LHFPL2: variants seen among roughly 807,000 people sequenced by gnomAD.
LHFPL2 encodes the protein LHFPL tetraspan subfamily member 2 protein.
Under a neutral mutation model 17.5 loss-of-function variants are expected in LHFPL2, and 7 were observed. The observed-to-expected ratio is 0.40, with a 90% CI of 0.23 to 0.75. The LOEUF (loss-of-function observed/expected upper bound fraction) is 0.75. Among genes scored for constraint, LHFPL2 ranks in the 30% least tolerant of loss-of-function variants. The probability of loss-of-function intolerance (pLI) is 0.37; values close to 1 mark genes in which losing one functional copy is unlikely to be tolerated. For missense variants in LHFPL2, 241 were observed against 294.8 expected (o/e 0.82, Z 1.34); for synonymous variants, 134 against 116.2 (o/e 1.15, Z -0.99).
intron 3 of LHFPL2, among the ~76,000 whole-genome samples, chr5:78,538,869 T>C (rs574331038): frequency 6.6e-6 from 1 of 152,194 alleles, no homozygotes; most frequent in South Asian, 2.1e-4. Flanking sequence ...TCCTTTGTAC[T>C]GTCCAGTGAC....
In LHFPL2 at chr5:78,487,292, T is replaced by TA. The variant is rs1754280914; in HGVS notation, c.*1604dup. On this transcript the variant is annotated 3_prime_UTR_variant, in exon 5 of 5. Coordinates refer to ENST00000380345, the MANE Select transcript of LHFPL2 (RefSeq NM_005779.3). Reference sequence around the variant, plus strand: ...TATAATTATCTGTTCTGCACCAAGATACGGTGCTTTAGACTCAGACAGCTT... The same window carrying TA: ...TATAATTATCTGTTCTGCACCAAGATAACGGTGCTTTAGACTCAGACAGCTT... The TA allele has an allele frequency of 6.6e-6, 1 of 152,216 alleles. No homozygotes were observed. The allele number at this position is 152,216 out of a possible 1,614,324, so 9.4% of individuals were successfully genotyped here. A position where few individuals can be genotyped will look rare whatever the true frequency, so the allele number is the denominator to read the frequency against.
chr5:78,630,888 G>C (rs1745218871), intron 2 of LHFPL2, among the ~76,000 whole-genome samples: 1 of 152,110 alleles, frequency 6.6e-6, no homozygotes, highest in South Asian at 2.1e-4. Flanking sequence ...GCCACCCCAG[G>C]CATCAGAGAA....
chr5:78,623,235 A>G (rs1003025708), intron 2 of LHFPL2, among the ~76,000 whole-genome samples: 2 of 152,230 alleles, frequency 1.3e-5, no homozygotes, highest in African/African-American at 4.8e-5. Context: ...AAAACCACGA[A>G]TATGAACCAA....
chr5:78,506,337 G>A (rs1292661198), intron 4 of LHFPL2, among the ~76,000 whole-genome samples: 1 of 152,192 alleles, frequency 6.6e-6, no homozygotes, highest in African/African-American at 2.4e-5. Context: ...TTGCCAAAAT[G>A]TAAGTTGTAA....
At chr5:78,576,615 C>A (rs1208020761) in intron 2 of LHFPL2, among the ~76,000 whole-genome samples, 1 of 152,200 alleles carries the variant, frequency 6.6e-6, no homozygotes, top group Non-Finnish European at 1.5e-5. Flanking sequence ...CCCAGGGACA[C>A]TGGAAATTCA....
At chr5:78,518,978 T>C (rs7713690) in intron 3 of LHFPL2, among the ~76,000 whole-genome samples, 63,046 of 151,868 alleles carry the variant, frequency 0.42, 13,536 homozygotes, top group African/African-American at 0.51. Context: ...CTATAAGAGA[T>C]GCTTCCCAAC....
chr5:78,638,217 T>C (rs376572675), intron 1 of LHFPL2, among the ~76,000 whole-genome samples: 2 of 151,990 alleles, frequency 1.3e-5, no homozygotes, highest in African/African-American at 4.8e-5. Context: ...TAGCCAGGCA[T>C]GGTAGCAGGC....
At position 78,487,081 on chromosome 5, in the gene LHFPL2, C is replaced by T. The variant is rs765579483; in HGVS notation, c.*1816G>A. 6.6e-6 allele frequency: 1 copy of T among 151,976 alleles called. No individual in the cohort carries two copies. The highest frequency in any genetic ancestry group is 1.5e-5 in the Non-Finnish European group (1 of 67,974). The allele number at this position is 151,976 out of a possible 1,614,324, so 9.4% of individuals were successfully genotyped here. A position where few individuals can be genotyped will look rare whatever the true frequency, so the allele number is the denominator to read the frequency against. ...CTATGAAGATACCCGTTTTTTTCTTCACCAAAATCACAGGATTTACATCTC... is the reference window on the plus strand; with the variant it reads ...CTATGAAGATACCCGTTTTTTTCTTTACCAAAATCACAGGATTTACATCTC... On this transcript the variant is annotated 3_prime_UTR_variant, in exon 5 of 5. Coordinates refer to ENST00000380345, the MANE Select transcript of LHFPL2 (RefSeq NM_005779.3).
At chr5:78,638,150 T>A (rs1182213783) in intron 1 of LHFPL2, among the ~76,000 whole-genome samples, 1 of 152,008 alleles carries the variant, frequency 6.6e-6, no homozygotes, top group Non-Finnish European at 1.5e-5. Flanking sequence ...GTCAGGAGAT[T>A]GAGACCATCC....
At chr5:78,489,374 C>T (rs934906575) in intron 4 of LHFPL2, among the ~76,000 whole-genome samples, 6 of 126,260 alleles carry the variant, frequency 4.8e-5, no homozygotes, top group Admixed American at 1.5e-4. Flanking sequence ...AATGTGAATC[C>T]ACTAAAAATT....
chr5:78,572,441 T>C (rs1757021043), intron 2 of LHFPL2, among the ~76,000 whole-genome samples: 1 of 151,244 alleles, frequency 6.6e-6, no homozygotes, highest in Middle Eastern at 3.5e-3. Flanking sequence ...TATGTATGTA[T>C]GTGTATATAT....
chr5:78,636,501 T>A (rs555316300), intron 1 of LHFPL2, among the ~76,000 whole-genome samples: 1 of 152,060 alleles, frequency 6.6e-6, no homozygotes, highest in Admixed American at 6.5e-5. Flanking sequence ...TCTTTAGGAA[T>A]AGAGGTTAAT....
chr5:78,612,216 G>T (rs146362254), intron 2 of LHFPL2, among the ~76,000 whole-genome samples: 3 of 152,086 alleles, frequency 2.0e-5, no homozygotes, highest in Non-Finnish European at 2.9e-5. Flanking sequence ...TCTCCCATCC[G>T]ATTAAAGAGG....
At chr5:78,619,384 T>C (rs903708644) in intron 2 of LHFPL2, among the ~76,000 whole-genome samples, 2 of 152,148 alleles carry the variant, frequency 1.3e-5, no homozygotes, top group African/African-American at 4.8e-5. Flanking sequence ...GATATTTCAA[T>C]GAGGCTGCTC....
intron 3 of LHFPL2, among the ~76,000 whole-genome samples, chr5:78,549,729 A>G (rs1287592089): frequency 6.6e-6 from 1 of 152,234 alleles, no homozygotes; most frequent in Non-Finnish European, 1.5e-5. Context: ...GGATTTTTAG[A>G]ACAGTTCCAG....
rs77473003 is a variant in LHFPL2, at chr5:78,644,713, G to A, written c.-350+3786C>T. The A allele has an allele frequency of 6.4e-3, 1,591 of 249,004 alleles. 23 individuals are homozygous for A. Among genetic ancestry groups the A allele is most frequent in the African/African-American group, 0.035 (1,514 of 43,798 alleles). The allele number at this position is 249,004 out of a possible 1,614,324, so 15.4% of individuals were successfully genotyped here. ...AGCAGACATGGTCTTGCACCTCTCTGAGCATTTCTTAGAAAACTCTGAGGA... is the reference window on the plus strand; with the variant it reads ...AGCAGACATGGTCTTGCACCTCTCTAAGCATTTCTTAGAAAACTCTGAGGA... On this transcript the variant is annotated intron_variant, in intron 1 of 4. Coordinates refer to ENST00000380345, the MANE Select transcript of LHFPL2 (RefSeq NM_005779.3).
chr5:78,527,896 C>G (rs977377764), intron 3 of LHFPL2, among the ~76,000 whole-genome samples: 2 of 152,142 alleles, frequency 1.3e-5, no homozygotes, highest in Non-Finnish European at 2.9e-5. Context: ...CGTTCTGAAT[C>G]CTGAGGAGTG....
At chr5:78,637,481 C>T (rs1745496290) in intron 1 of LHFPL2, among the ~76,000 whole-genome samples, 1 of 152,146 alleles carries the variant, frequency 6.6e-6, no homozygotes, top group African/African-American at 2.4e-5. Context: ...AAAGGCATCC[C>T]TGCACAGTGG....
intron 3 of LHFPL2, among the ~76,000 whole-genome samples, chr5:78,515,687 C>T (rs1283461732): frequency 2.6e-5 from 4 of 152,226 alleles, no homozygotes; most frequent in Non-Finnish European, 5.9e-5. Flanking sequence ...AAGTACATTC[C>T]TGGTCCCCAA....
Sources: allele counts gnomAD v4.1 joint callset (sites outside exome capture counted in the v4.1 genomes callset), GRCh38; gene constraint gnomAD v4.1.1; transcripts MANE v1.5; gene names NCBI Gene and HGNC (gene_info 2026-07-23, HGNC 2026-07-21).